Variants in NPAS2 observed in about 807,000 individuals in gnomAD.
NPAS2 encodes the protein neuronal PAS domain protein 2.
NPAS2 carries 23 observed loss-of-function variants against 107.5 expected under a neutral mutation model. That is an observed-to-expected ratio of 0.21 (90% confidence interval 0.15 to 0.30). NPAS2 has a LOEUF of 0.30. Ranked by LOEUF, NPAS2 falls within the 10% of genes least tolerant of loss-of-function variation. NPAS2 has a pLI of 1.00. For synonymous variants in NPAS2, 403 were observed against 417.5 expected, an observed-to-expected ratio of 0.97 and a Z score of 0.42; for missense variants, 756 against 1,043.3, an observed-to-expected ratio of 0.72 and a Z score of 3.79.
chr2:100,849,511 A>T lies in NPAS2; in HGVS notation c.-23+29097A>T, dbSNP rs553541726. On this transcript the variant is annotated intron_variant, in intron 1 of 20. Coordinates refer to ENST00000335681, the MANE Select transcript of NPAS2 (RefSeq NM_002518.4). ...TTCATAGGGTCAGAACTCCAGGTAG[A>T]TCATTCCTGGGCTTCCTTCACCTTG... 8.5e-5 allele frequency among the ~76,000 whole-genome samples: 13 copies of T among 152,264 alleles called. No individual in the cohort carries two copies. In the East Asian group the frequency reaches 2.5e-3, roughly 30 times the overall value.
intron 1 of NPAS2, among the ~76,000 whole-genome samples, chr2:100,827,864 G>T (rs576284704): frequency 6.6e-6 from 1 of 152,186 alleles, no homozygotes; most frequent in Non-Finnish European, 1.5e-5. Context: ...ATAGTGCTGT[G>T]ATGAACATGT....
At chr2:100,835,033 A>G (rs1009429676) in intron 1 of NPAS2, among the ~76,000 whole-genome samples, 7 of 152,192 alleles carry the variant, frequency 4.6e-5, no homozygotes, top group Middle Eastern at 6.8e-3. Context: ...ATTTTTCCAT[A>G]ACAATTTAGG....
At chr2:100,979,490 ATATATATATATATTTTTTT>A (rs1677271933) in intron 15 of NPAS2, among the ~76,000 whole-genome samples, 1 of 60,998 alleles carries the variant, frequency 1.6e-5, no homozygotes, top group South Asian at 7.1e-4. Context: ...CTATATATAT[ATATATATATATATTTTTTT>A]TTTTTTTTTT....
chr2:100,874,585 T>C (rs1679836026), intron 1 of NPAS2, among the ~76,000 whole-genome samples: 1 of 151,662 alleles, frequency 6.6e-6, no homozygotes, highest in Admixed American at 6.6e-5. Context: ...CTACTAAAAA[T>C]ACAAAAATTA....
Position 100,882,392 on chromosome 2 carries a change from A to G in NPAS2, c.-22-22341A>G, listed in dbSNP as rs190447412. Reference sequence around the variant, plus strand: ...TGGGAGGCCAAGGTGGGCGGATCACAAGGTCAGGAGTTCGAGACCATCCTG... The same window carrying G: ...TGGGAGGCCAAGGTGGGCGGATCACGAGGTCAGGAGTTCGAGACCATCCTG... On this transcript the variant is annotated intron_variant, in intron 1 of 20. Transcript: ENST00000335681. 1.1e-3 allele frequency among the ~76,000 whole-genome samples: 165 copies of G among 152,184 alleles called. 4 individuals are homozygous for G. The East Asian group carries it at 0.016, about 15-fold the overall frequency.
At chr2:100,933,306 AGAG>A (rs1684089074) in intron 4 of NPAS2, among the ~76,000 whole-genome samples, 1 of 152,304 alleles carries the variant, frequency 6.6e-6, no homozygotes, top group Non-Finnish European at 1.5e-5. Flanking sequence ...GTAGGTAGAG[AGAG>A]GAGAAGGACA....
intron 19 of NPAS2, among the ~76,000 whole-genome samples, chr2:100,992,332 T>C (rs963282382): frequency 2.0e-5 from 3 of 152,204 alleles, no homozygotes; most frequent in African/African-American, 7.2e-5. Flanking sequence ...GGAGAATCAC[T>C]TGAACTTCAG....
intron 7 of NPAS2, among the ~76,000 whole-genome samples, chr2:100,957,111 G>A (rs1675616560): frequency 6.6e-6 from 1 of 152,234 alleles, no homozygotes; most frequent in South Asian, 2.1e-4. Flanking sequence ...CAGATGTTCT[G>A]GGGGCAGGGG....
chr2:100,949,341 C>T, intron 6 of NPAS2, 26 bp from the exon 7 acceptor site: 2 of 1,373,860 alleles, frequency 1.5e-6, no homozygotes, highest in Non-Finnish European at 1.0e-6. Flanking sequence ...ACCCCTTTCT[C>T]TCCTCTTCTT....
chr2:100,918,299 A>T (rs1040247218), intron 2 of NPAS2, among the ~76,000 whole-genome samples: 1 of 152,192 alleles, frequency 6.6e-6, no homozygotes, highest in Admixed American at 6.5e-5. Flanking sequence ...CTGTAAAACC[A>T]TAAGAAGAAA....
chr2:100,893,454 A>G (rs924870812), intron 1 of NPAS2, among the ~76,000 whole-genome samples: 7 of 152,034 alleles, frequency 4.6e-5, no homozygotes, highest in Non-Finnish European at 7.4e-5. Context: ...GAGTGTTAGG[A>G]TTTTCCAGCT....
At chr2:100,950,327 A>G (rs925390563) in intron 7 of NPAS2, among the ~76,000 whole-genome samples, 1 of 152,256 alleles carries the variant, frequency 6.6e-6, no homozygotes, top group South Asian at 2.1e-4. Flanking sequence ...TGGGGGAAAA[A>G]AGAGGAAATG....
chr2:100,939,136 A>C (rs1216015717), intron 5 of NPAS2, among the ~76,000 whole-genome samples: 3 of 152,154 alleles, frequency 2.0e-5, no homozygotes, highest in Non-Finnish European at 4.4e-5. Flanking sequence ...ATCCTGGGTC[A>C]TACCTTTCCC....
chr2:100,840,129 C>T (rs946320245), intron 1 of NPAS2, among the ~76,000 whole-genome samples: 5 of 152,226 alleles, frequency 3.3e-5, no homozygotes, highest in South Asian at 4.2e-4. Flanking sequence ...CCCTTCCTTC[C>T]GTCGTTGCTT....
intron 1 of NPAS2, among the ~76,000 whole-genome samples, chr2:100,902,123 G>T (rs1320013634): frequency 6.6e-6 from 1 of 152,092 alleles, no homozygotes; most frequent in Non-Finnish European, 1.5e-5. Flanking sequence ...TTATACGGTT[G>T]AGAAGAGTCA....
rs778690773 is a variant in NPAS2 at position 100,964,108 on chromosome 2, C to T, written c.649C>T (p.Arg217Trp). The change falls in exon 8 of 21, where the codon CGG becomes TGG. Residue 217 changes from arginine (R) to tryptophan (W), a missense_variant. Coordinates refer to ENST00000335681, the MANE Select transcript of NPAS2 (RefSeq NM_002518.4). ...TGACAACACCCTTTCAAGACCTTGC[C>T]GGGTGCCACTAGGAAAGGAGGTTTG... is the stretch of plus-strand genomic sequence containing the variant. The part of the protein sequence containing the change: ...GFDNTLSRPC[R>W]VPLGKEVCFI... The T allele has an allele frequency of 8.1e-6, 13 of 1,614,084 alleles. No individual in the cohort carries two copies. The highest frequency in any genetic ancestry group is 1.6e-4 in the Middle Eastern group (1 of 6,062).
intron 2 of NPAS2, among the ~76,000 whole-genome samples, chr2:100,908,225 T>C (rs974339413): frequency 6.6e-5 from 10 of 152,096 alleles, no homozygotes; most frequent in African/African-American, 2.4e-4. Flanking sequence ...AGTAGCTACT[T>C]ATTGCAGAAA....
chr2:100,954,682 A>AAG (rs1675456580), intron 7 of NPAS2, among the ~76,000 whole-genome samples: 1 of 26,722 alleles, frequency 3.7e-5, no homozygotes, highest in African/African-American at 1.9e-4. Flanking sequence ...AAAAAAAAAG[A>AAG]AAAAAAAGAA....
At chr2:100,971,153 G>A (rs2105196007) in intron 12 of NPAS2, 79 bp downstream of exon 12, 1 of 1,392,902 alleles carries the variant, frequency 7.2e-7, no homozygotes, top group African/African-American at 1.4e-5. Context: ...TGAAACAAGG[G>A]TTTCTTTTCA....
Sources: allele counts gnomAD v4.1 joint callset (sites outside exome capture counted in the v4.1 genomes callset), GRCh38; gene constraint gnomAD v4.1.1; transcripts MANE v1.5; gene names NCBI Gene and HGNC (gene_info 2026-07-23, HGNC 2026-07-21).